ADD2: variants seen among roughly 807,000 people sequenced by gnomAD.
The protein encoded by ADD2 is adducin 2.
Under a neutral mutation model 83.0 loss-of-function variants are expected in ADD2, and 23 were observed. The observed-to-expected ratio is 0.28, with a 90% CI of 0.20 to 0.39. ADD2 has a LOEUF of 0.39. Ranked by LOEUF, ADD2 falls within the 10% of genes least tolerant of loss-of-function variation. The pLI, the probability that ADD2 is intolerant of heterozygous loss-of-function variation, is 1.00. For synonymous variants in ADD2, 375 were observed against 375.4 expected (o/e 1.00, Z 0.01); for missense variants, 758 against 944.9 (o/e 0.80, Z 2.59).
intron 15 of ADD2, among the ~76,000 whole-genome samples, chr2:70,671,113 AC>A (rs1417278562): frequency 1.3e-5 from 2 of 152,152 alleles, no homozygotes; most frequent in Non-Finnish European, 2.9e-5. Flanking sequence ...ACCCTAGCAG[AC>A]CAGGCCCTCT....
rs1475149809 is a variant in ADD2 at position 70,660,499 on chromosome 2, A to C, written c.*2926T>G. 1 of 152,316 alleles carries C rather than the reference A, an allele frequency of 6.6e-6. No homozygotes were observed. Among genetic ancestry groups the C allele is most frequent in the Non-Finnish European group, 1.5e-5 (1 of 68,098 alleles). The allele number at this position is 152,316 out of a possible 1,614,324, so 9.4% of individuals were successfully genotyped here. ...CAGTCTCCATTCAGCCACCAAAGGG[A>C]TTTTCCTAAAATGCAATTCTGATCA... is the stretch of plus-strand genomic sequence containing the variant. On this transcript the variant is annotated 3_prime_UTR_variant, in exon 16 of 16. Coordinates refer to ENST00000264436, the MANE Select transcript of ADD2 (RefSeq NM_001617.4).
intron 1 of ADD2, among the ~76,000 whole-genome samples, chr2:70,740,379 G>C (rs1434494683): frequency 1.3e-5 from 2 of 152,172 alleles, no homozygotes; most frequent in African/African-American, 4.8e-5. Context: ...CAAGAAACCT[G>C]AATCGGTTGA....
chr2:70,731,133 G>C (rs1403419568), intron 1 of ADD2, among the ~76,000 whole-genome samples: 1 of 152,194 alleles, frequency 6.6e-6, no homozygotes, highest in Non-Finnish European at 1.5e-5. Context: ...GAATATATCA[G>C]GAGGATGCAG....
chr2:70,723,326 T>G (rs928637311), intron 1 of ADD2, among the ~76,000 whole-genome samples: 4 of 152,128 alleles, frequency 2.6e-5, no homozygotes, highest in Admixed American at 1.3e-4. Flanking sequence ...TAGTAAGGAC[T>G]CCACAAATGT....
rs1178245958 is a variant in ADD2 at position 70,767,558 on chromosome 2, G to A, written c.-154+328C>T. The A allele has an allele frequency of 1.4e-5, 15 of 1,047,888 alleles. No individual in the cohort carries two copies. The East Asian group carries it at 6.0e-4, about 42-fold the overall frequency. 64.9% of individuals were successfully genotyped at this position (1,047,888 alleles called of 1,614,324 possible). ...GGAGCGGCCCCGCCCGGCTAGGCGA[G>A]GCGAGGCTTGCCGCCCCTCCATTCG... On this transcript the variant is annotated intron_variant, in intron 1 of 15. Coordinates refer to ENST00000264436, the MANE Select transcript of ADD2 (RefSeq NM_001617.4).
intron 1 of ADD2, among the ~76,000 whole-genome samples, chr2:70,762,414 C>T (rs1553385177): frequency 6.6e-6 from 1 of 151,726 alleles, no homozygotes; most frequent in African/African-American, 2.4e-5. Flanking sequence ...AGGGTCACAA[C>T]ATTTGTGTCA....
chr2:70,701,036 G>T (rs1671559127), intron 4 of ADD2, among the ~76,000 whole-genome samples: 1 of 151,994 alleles, frequency 6.6e-6, no homozygotes, highest in African/African-American at 2.4e-5. Flanking sequence ...AAAAGAGAGA[G>T]AAATCACCTT....
rs375080923 is a variant in ADD2, at chr2:70,729,173, C to A, written c.-153-15989G>T. On this transcript the variant is annotated intron_variant, in intron 1 of 15. Coordinates refer to ENST00000264436, the MANE Select transcript of ADD2 (RefSeq NM_001617.4). ...AGATGGGAGGAGATGCCAGGGCACT[C>A]CTTCCCTCATGCACTGTCTCAAGAA... is the stretch of plus-strand genomic sequence containing the variant. 6.6e-5 allele frequency among the ~76,000 whole-genome samples: 10 copies of A among 152,322 alleles called. 1 individual carries two copies. The East Asian group carries it at 1.4e-3, about 21-fold the overall frequency.
intron 1 of ADD2, among the ~76,000 whole-genome samples, chr2:70,746,796 C>A (rs988421585): frequency 1.9e-4 from 29 of 152,152 alleles, no homozygotes; most frequent in African/African-American, 5.5e-4. Flanking sequence ...ATAGCAACAG[C>A]CCCCATGCCT....
At position 70,676,904 on chromosome 2, in the gene ADD2, G is replaced by C; in HGVS notation, c.1504-19C>G. On this transcript the variant is annotated intron_variant, in intron 12 of 15. Transcript: ENST00000264436. The surrounding 1 kb of genome is among the most constrained non-coding windows in gnomAD (Gnocchi z 4.8). ...CTCGAATCTGTGTGGAAAGGGGAGA[G>C]GAAGAGTGAGCTGGCTGTTCAGGGT... 1 of 1,608,064 alleles carries C rather than the reference G, an allele frequency of 6.2e-7. No individual in the cohort carries two copies. The highest frequency in any genetic ancestry group is 8.5e-7 in the Non-Finnish European group (1 of 1,175,372).
Position 70,657,152 on chromosome 2 carries a change from G to A in ADD2, c.*6273C>T, listed in dbSNP as rs1226188131. On this transcript the variant is annotated 3_prime_UTR_variant, in exon 16 of 16. Transcript: ENST00000264436. ...ATCTGTGGGGGTGATGCATACTCAA[G>A]GGGGCCGGCATTTCAGTAGCAGAAA... The A allele has an allele frequency of 6.6e-6, 1 of 152,058 alleles. No individual in the cohort carries two copies. Among genetic ancestry groups the A allele is most frequent in the Non-Finnish European group, 1.5e-5 (1 of 68,030 alleles). 9.4% of individuals were successfully genotyped at this position (152,058 alleles called of 1,614,324 possible).
chr2:70,698,791 C>T (rs868990829), intron 4 of ADD2, among the ~76,000 whole-genome samples: 4 of 151,996 alleles, frequency 2.6e-5, no homozygotes, highest in Non-Finnish European at 5.9e-5. Context: ...CTAAATGTCA[C>T]GTTTATAAAT....
Position 70,659,674 on chromosome 2 carries a change from AG to A in ADD2, c.*3750del, listed in dbSNP as rs1410830172. On this transcript the variant is annotated 3_prime_UTR_variant, in exon 16 of 16. Coordinates refer to ENST00000264436, the MANE Select transcript of ADD2 (RefSeq NM_001617.4). ...GTTGCATGCAGGCCAGGAGGCTCTTAGGGAGTCCAGATCTGGGCTAGAAGGT... is the reference window on the plus strand; with the variant it reads ...GTTGCATGCAGGCCAGGAGGCTCTTAGGAGTCCAGATCTGGGCTAGAAGGT... 2 of 152,254 alleles carry A rather than the reference AG, an allele frequency of 1.3e-5. No homozygotes were observed. The highest frequency in any genetic ancestry group is 4.8e-5 in the African/African-American group (2 of 41,428). The allele number at this position is 152,254 out of a possible 1,614,324, so 9.4% of individuals were successfully genotyped here.
chr2:70,717,251 C>T (rs540637412), intron 1 of ADD2, among the ~76,000 whole-genome samples: 2 of 152,316 alleles, frequency 1.3e-5, no homozygotes, highest in South Asian at 4.1e-4. Flanking sequence ...CATCTTCTTC[C>T]CTGTCCCACT....
chr2:70,759,302 G>A (rs150273691), intron 1 of ADD2, among the ~76,000 whole-genome samples: 1 of 152,288 alleles, frequency 6.6e-6, no homozygotes, highest in East Asian at 1.9e-4. Flanking sequence ...ACTGCTGGGT[G>A]GAATAGCGTT....
At chr2:70,678,473 C>A (rs1670290094) in intron 11 of ADD2, among the ~76,000 whole-genome samples, 1 of 152,194 alleles carries the variant, frequency 6.6e-6, no homozygotes, top group Non-Finnish European at 1.5e-5. Context: ...CAACTGCCCT[C>A]TGGAGAAATC....
At chr2:70,711,098 C>T (rs1045029150) in intron 2 of ADD2, 1 of 152,170 alleles carries the variant, frequency 6.6e-6, no homozygotes, top group Non-Finnish European at 1.5e-5. Flanking sequence ...ATAATGGGAA[C>T]AGGTCAACCT....
intron 10 of ADD2, among the ~76,000 whole-genome samples, chr2:70,681,187 C>A (rs566389003): frequency 1.4e-3 from 207 of 152,270 alleles, no homozygotes; most frequent in African/African-American, 4.3e-3. Context: ...TTGGAGGTAT[C>A]TTTTCAGGCT....
intron 1 of ADD2, among the ~76,000 whole-genome samples, chr2:70,730,024 G>A (rs1367961460): frequency 6.6e-6 from 1 of 152,230 alleles, no homozygotes; most frequent in Non-Finnish European, 1.5e-5. Flanking sequence ...TAGGTTTAAA[G>A]TAATAGTTAC....
Sources: gnomAD v4.1 joint callset for allele counts (sites outside exome capture counted in the v4.1 genomes callset) on GRCh38, gnomAD v4.1.1 for gene constraint, Gnocchi (gnomAD v3.1) non-coding constraint, MANE v1.5 for transcripts, NCBI Gene and HGNC (gene_info 2026-07-23, HGNC 2026-07-21) for gene names.